The following ST7 variants were observed in gnomAD, a reference collection of about 807,000 sequenced individuals.
ST7 encodes the protein suppressor of tumorigenicity 7 protein.
A neutral mutation model predicts 78.7 loss-of-function variants in ST7; 28 were observed. The ratio of observed to expected loss-of-function variants is 0.36; its 90% CI spans 0.26 to 0.49. The LOEUF (loss-of-function observed/expected upper bound fraction) is 0.49. Among genes scored for constraint, ST7 ranks in the 20% least tolerant of loss-of-function variants. ST7 has a pLI of 0.99. For missense variants in ST7, 418 were observed against 696.0 expected, an observed-to-expected ratio of 0.60 and a Z score of 4.49; for synonymous variants, 247 against 249.6, an observed-to-expected ratio of 0.99 and a Z score of 0.10.
intron 10 of ST7, among the ~76,000 whole-genome samples, chr7:117,175,272 T>G (rs1211754280): frequency 2.0e-5 from 3 of 152,256 alleles, no homozygotes; most frequent in African/African-American, 7.2e-5. Flanking sequence ...GAGAACCTTC[T>G]TTTAGAAGCC....
intron 1 of ST7, among the ~76,000 whole-genome samples, chr7:117,099,404 C>G (rs1801397672): frequency 6.6e-6 from 1 of 152,152 alleles, no homozygotes; most frequent in Non-Finnish European, 1.5e-5. Flanking sequence ...GCAGGTCCCA[C>G]AAAATGTGTA....
intron 2 of ST7, among the ~76,000 whole-genome samples, chr7:117,119,267 T>C (rs562505267): frequency 6.6e-6 from 1 of 152,360 alleles, no homozygotes; most frequent in East Asian, 1.9e-4. Flanking sequence ...GATTTTGTTA[T>C]TTGAATATTA....
At chr7:117,053,569 C>T (rs1337539335) in intron 1 of ST7, among the ~76,000 whole-genome samples, 2 of 152,204 alleles carry the variant, frequency 1.3e-5, no homozygotes, top group African/African-American at 4.8e-5. Flanking sequence ...CTGCTTTATC[C>T]TCATCCCAGC....
rs146964707 is a variant in ST7, at chr7:117,152,637, A to G, written c.963+14105A>G. 3.0e-4 allele frequency among the ~76,000 whole-genome samples: 46 copies of G among 152,138 alleles called. 1 individual carries two copies. The highest frequency in any genetic ancestry group is 1.0e-3 in the African/African-American group (42 of 41,426). On this transcript the variant is annotated intron_variant, in intron 9 of 15. Coordinates refer to ENST00000323984, the MANE Select transcript of ST7 (RefSeq NM_001369598.1). The stretch of plus-strand genomic sequence containing the variant: ...AGGTTTTGTTGCAGGGGAGAGGAGT[A>G]GCTAGGTTTGTTCAGTCTTCCATCT...
At chr7:117,037,390 A>C (rs1796948408) in intron 1 of ST7, among the ~76,000 whole-genome samples, 1 of 152,210 alleles carries the variant, frequency 6.6e-6, no homozygotes, top group Admixed American at 6.5e-5. Context: ...GGTACAAAAC[A>C]GATGAGCTAA....
At chr7:117,047,347 C>T (rs1384277262) in intron 1 of ST7, among the ~76,000 whole-genome samples, 5 of 152,132 alleles carry the variant, frequency 3.3e-5, no homozygotes, top group Admixed American at 2.0e-4. Context: ...TTCTTCAGAA[C>T]GACTTAATTA....
At chr7:117,038,687 C>T (rs1412513804) in intron 1 of ST7, among the ~76,000 whole-genome samples, 2 of 152,110 alleles carry the variant, frequency 1.3e-5, no homozygotes, top group East Asian at 1.9e-4. Context: ...TGTGGATAAA[C>T]ATGTATCGAG....
chr7:117,066,045 C>T (rs1219145584), intron 1 of ST7, among the ~76,000 whole-genome samples: 2 of 152,176 alleles, frequency 1.3e-5, no homozygotes, highest in African/African-American at 4.8e-5. Flanking sequence ...GATTTCAGCC[C>T]AAATGTCATT....
intron 1 of ST7, among the ~76,000 whole-genome samples, chr7:117,052,251 G>A (rs890431195): frequency 9.9e-5 from 15 of 152,202 alleles, no homozygotes; most frequent in African/African-American, 3.4e-4. Context: ...CTTTTTGTAG[G>A]TATGTATTTC....
At chr7:116,994,619 T>C (rs1022717231) in intron 1 of ST7, among the ~76,000 whole-genome samples, 6 of 152,158 alleles carry the variant, frequency 3.9e-5, no homozygotes, top group African/African-American at 1.4e-4. Context: ...GATAAACCAA[T>C]GGACGCAATG....
At chr7:117,156,194 A>G (rs1038117157) in intron 9 of ST7, among the ~76,000 whole-genome samples, 1 of 152,238 alleles carries the variant, frequency 6.6e-6, no homozygotes. Flanking sequence ...CATGAGGACA[A>G]GAATTTTTTA....
intron 11 of ST7, among the ~76,000 whole-genome samples, chr7:117,189,897 G>T (rs1266600209): frequency 6.6e-6 from 1 of 152,148 alleles, no homozygotes; most frequent in Admixed American, 6.5e-5. Flanking sequence ...TCAGGCAGGT[G>T]ACTATGACAT....
At position 116,974,736 on chromosome 7, in the gene ST7, C is replaced by T. The variant is rs531656151; in HGVS notation, c.151+21045C>T. Among the ~76,000 whole-genome samples the T allele has an allele frequency of 7.2e-5, 11 of 152,176 alleles. No homozygotes were observed. In the South Asian group the frequency reaches 2.3e-3, roughly 32 times the overall value. On this transcript the variant is annotated intron_variant, in intron 1 of 15. Coordinates refer to ENST00000323984, the MANE Select transcript of ST7 (RefSeq NM_001369598.1). ...TTCATGATGACAGTATATAGGAGTG[C>T]AAATGTCTGTTTACTTCATTAAATC...
chr7:117,148,023 G>A (rs1011209755), intron 9 of ST7, among the ~76,000 whole-genome samples: 1 of 152,054 alleles, frequency 6.6e-6, no homozygotes, highest in Admixed American at 6.6e-5. Context: ...ATAAAGATTT[G>A]TATGTATTTA....
intron 1 of ST7, among the ~76,000 whole-genome samples, chr7:116,958,365 C>T (rs1483015593): frequency 2.0e-5 from 3 of 151,814 alleles, no homozygotes; most frequent in Admixed American, 1.3e-4. Flanking sequence ...ATATTGTTGA[C>T]GTGATATAGA....
intron 9 of ST7, among the ~76,000 whole-genome samples, chr7:117,161,591 C>CTTTTTTTTTTTTTTTT (rs60505994): frequency 1.8e-5 from 2 of 113,592 alleles, no homozygotes; most frequent in African/African-American, 3.3e-5. Flanking sequence ...TTCTTTCTTT[C>CTTTTTTTTTTTTTTTT]TTTTTTTTTT....
chr7:117,176,458 T>C (rs987924240), intron 10 of ST7, among the ~76,000 whole-genome samples: 1 of 152,210 alleles, frequency 6.6e-6, no homozygotes. Flanking sequence ...GGAAAGTCAT[T>C]AGGGAATCAT....
intron 9 of ST7, 30 bp from the exon 10 acceptor site, chr7:117,170,832 C>A: frequency 8.6e-7 from 1 of 1,161,492 alleles, no homozygotes; most frequent in South Asian, 1.6e-5. Context: ...ACATAATATA[C>A]TAATTATTCC....
chr7:116,973,029 T>C (rs1008125567), intron 1 of ST7: 11 of 675,118 alleles, frequency 1.6e-5, no homozygotes, highest in Non-Finnish European at 2.7e-5. Context: ...TATAGCAGTA[T>C]GGATTCATGG....
Sources: allele counts gnomAD v4.1 joint callset (sites outside exome capture counted in the v4.1 genomes callset), GRCh38; gene constraint gnomAD v4.1.1; transcripts MANE v1.5; gene names NCBI Gene and HGNC (gene_info 2026-07-23, HGNC 2026-07-21).